The following ZNF618 variants were observed in gnomAD, a reference collection of about 807,000 sequenced individuals.
ZNF618 encodes the protein zinc finger protein 618, also known as neural precursor cell expressed, developmentally down-regulated 10.
ZNF618 carries 34 observed loss-of-function variants against 103.0 expected under a neutral mutation model. The observed-to-expected ratio is 0.33, with a 90% CI of 0.25 to 0.44. ZNF618 has a LOEUF of 0.44. Among genes scored for constraint, ZNF618 ranks in the 20% least tolerant of loss-of-function variants. ZNF618 has a pLI of 1.00. For missense variants in ZNF618, 1,059 were observed against 1,295.4 expected (o/e 0.82, Z 2.80); for synonymous variants, 551 against 542.2 (o/e 1.02, Z -0.23).
chr9:113,935,972 T>A (rs371146936), intron 1 of ZNF618, among the ~76,000 whole-genome samples: 1 of 152,004 alleles, frequency 6.6e-6, no homozygotes, highest in East Asian at 1.9e-4. Context: ...TTTTCTCTAT[T>A]GAGATAGGGT....
At position 114,055,817 on chromosome 9, in the gene ZNF618, A is replaced by T. The variant is rs1054549656; in HGVS notation, c.*5650A>T. 6.6e-6 allele frequency: 1 copy of T among 152,288 alleles called. No individual in the cohort carries two copies. The highest frequency in any genetic ancestry group is 1.9e-4 in the East Asian group (1 of 5,174). The allele number at this position is 152,288 out of a possible 1,614,324, so 9.4% of individuals were successfully genotyped here. ...TTAATGAATATTTTTCTTAATCCTT[A>T]TAAGTTTTATGTGTTTAATATTTCT... is the stretch of plus-strand genomic sequence containing the variant. On this transcript the variant is annotated 3_prime_UTR_variant, in exon 15 of 15. Transcript: ENST00000374126.
chr9:113,976,538 C>T (rs1838486689), intron 2 of ZNF618, among the ~76,000 whole-genome samples: 1 of 152,276 alleles, frequency 6.6e-6, no homozygotes, highest in South Asian at 2.1e-4. Context: ...CTTCCAGACT[C>T]CATGTGGAGT....
chr9:113,985,259 C>G (rs1011091881), intron 2 of ZNF618, among the ~76,000 whole-genome samples: 1 of 152,220 alleles, frequency 6.6e-6, no homozygotes, highest in African/African-American at 2.4e-5. Context: ...ATCCAACTTC[C>G]AAGTCTGGTG....
At chr9:113,951,478 T>TATATATGTAC (rs1835677463) in intron 1 of ZNF618, among the ~76,000 whole-genome samples, 1 of 36,136 alleles carries the variant, frequency 2.8e-5, no homozygotes, top group African/African-American at 6.1e-5. Context: ...TGTGTATGTG[T>TATATATGTAC]ACACATATAT....
Position 114,048,889 on chromosome 9 carries a change from G to A in ZNF618, c.1587G>A (p.Met529Ile). Residue 529 changes from methionine (M) to isoleucine (I), a missense_variant, in exon 15 of 15, where the codon ATG (methionine) becomes ATA (isoleucine). Coordinates refer to ENST00000374126, the MANE Select transcript of ZNF618 (RefSeq NM_001318042.2). ...NTLALKHLPR[M>I]YNQVKVKVTC... is the part of the protein sequence containing the mutation. ...TGGCGCTGAAGCACCTGCCACGCAT[G>A]TACAACCAGGTGAAGGTGAAAGTGA... is the stretch of plus-strand genomic sequence containing the variant. 6.2e-7 allele frequency: 1 copy of A among 1,608,766 alleles called. No individual in the cohort carries two copies. The highest frequency in any genetic ancestry group is 8.5e-7 in the Non-Finnish European group (1 of 1,177,478).
At chr9:113,939,758 C>A (rs1181563033) in intron 1 of ZNF618, among the ~76,000 whole-genome samples, 1 of 151,694 alleles carries the variant, frequency 6.6e-6, no homozygotes, top group Non-Finnish European at 1.5e-5. Context: ...GTCTTCCTTC[C>A]TTTCTTCTTC....
chr9:113,930,456 T>G (rs1020203211), intron 1 of ZNF618, among the ~76,000 whole-genome samples: 1 of 152,188 alleles, frequency 6.6e-6, no homozygotes, highest in Admixed American at 6.5e-5. Context: ...GGCGCCTATT[T>G]TTTTTTAAAC....
At position 114,049,590 on chromosome 9, in the gene ZNF618, C is replaced by T. The variant is rs775801964; in HGVS notation, c.2288C>T (p.Thr763Ile). Residue 763 changes from threonine to isoleucine, a missense_variant, in exon 15 of 15, where the codon ACC becomes ATC. By Grantham distance (89) the Thr-to-Ile change is moderately conservative (BLOSUM62 -1). Coordinates refer to ENST00000374126, the MANE Select transcript of ZNF618 (RefSeq NM_001318042.2). Reference protein sequence around the residue: ...SQPTLQLVLPTYVRLEKLFTA... With the variant: ...SQPTLQLVLPIYVRLEKLFTA... ...CCCACCCTGCAGCTGGTGCTGCCCA[C>T]CTACGTCAGGCTGGAGAAGCTGTTC... is the stretch of plus-strand genomic sequence containing the variant. The T allele has an allele frequency of 2.5e-5, 41 of 1,613,846 alleles. No homozygotes were observed. Among genetic ancestry groups the T allele is most frequent in the Middle Eastern group, 3.3e-4 (2 of 6,062 alleles).
chr9:113,999,119 T>C lies in ZNF618; in HGVS notation c.433+765T>C, dbSNP rs61047963. ...TGAGGGCTGCCCCTCTAGTGAACTC[T>C]CCCCATGCCCCACCTCTCACCTCCC... On this transcript the variant is annotated intron_variant, in intron 4 of 14. Coordinates refer to ENST00000374126, the MANE Select transcript of ZNF618 (RefSeq NM_001318042.2). Among the ~76,000 whole-genome samples the C allele has an allele frequency of 3.3e-5, 5 of 152,252 alleles. No individual in the cohort carries two copies. The South Asian group carries it at 1.0e-3, about 32-fold the overall frequency.
chr9:114,020,449 TG>T (rs1448978986), intron 10 of ZNF618, among the ~76,000 whole-genome samples: 1 of 152,142 alleles, frequency 6.6e-6, no homozygotes, highest in Non-Finnish European at 1.5e-5. Flanking sequence ...TCCATGAACA[TG>T]GTATATTTCC....
intron 2 of ZNF618, among the ~76,000 whole-genome samples, chr9:113,979,982 G>C (rs368735112): frequency 2.6e-4 from 40 of 152,266 alleles, no homozygotes; most frequent in African/African-American, 9.1e-4. Context: ...CAGGAGAAAG[G>C]GGGGGTGGCT....
At chr9:113,919,612 C>A (rs1042454846) in intron 1 of ZNF618, among the ~76,000 whole-genome samples, 1 of 152,204 alleles carries the variant, frequency 6.6e-6, no homozygotes, top group African/African-American at 2.4e-5. Flanking sequence ...GGGCCGGCTG[C>A]TGCTGGTGTC....
rs1846418397 is a variant in ZNF618 at position 114,055,480 on chromosome 9, AGTT to A, written c.*5317_*5319del. 2.0e-5 allele frequency: 3 copies of A among 152,664 alleles called. No homozygotes were observed. The highest frequency in any genetic ancestry group is 7.2e-5 in the African/African-American group (3 of 41,446). 9.5% of individuals were successfully genotyped at this position (152,664 alleles called of 1,614,324 possible). A position where few individuals can be genotyped will look rare whatever the true frequency, so the allele number is the denominator to read the frequency against. ...TTTTTAAGAAGCGTAAATTATTTTC[AGTT>A]GTTTTCTGATCCTGCCTTTTTCTTT... On this transcript the variant is annotated 3_prime_UTR_variant, in exon 15 of 15. Transcript: ENST00000374126.
Position 114,049,202 on chromosome 9 carries a change from C to T in ZNF618, c.1900C>T (p.Arg634Cys), listed in dbSNP as rs758308433. ...CTTCTCCAAGGCCGGCATGTGCCTT[C>T]GCTGCTCAGCCTGTGCCTTGAACTC... is the stretch of plus-strand genomic sequence containing the variant. ...SAFSKAGMCL[R>C]CSACALNSVV... is the part of the protein sequence containing the mutation. Residue 634 changes from arginine (R) to cysteine (C), a missense_variant, in exon 15 of 15, where the codon CGC becomes TGC. Arg to Cys is a radical substitution (Grantham distance 180). Around this residue, in one of 6 missense-constraint regions of ZNF618, gnomAD observed 272 missense variants for 380.1 expected, o/e 0.72. Coordinates refer to ENST00000374126, the MANE Select transcript of ZNF618 (RefSeq NM_001318042.2). The T allele has an allele frequency of 1.7e-5, 28 of 1,613,518 alleles. No individual in the cohort carries two copies. Among genetic ancestry groups the T allele is most frequent in the African/African-American group, 2.7e-5 (2 of 74,936 alleles).
chr9:113,943,522 C>T (rs1456877653), intron 1 of ZNF618, among the ~76,000 whole-genome samples: 1 of 151,784 alleles, frequency 6.6e-6, no homozygotes, highest in Non-Finnish European at 1.5e-5. Context: ...CTCAGGAAAG[C>T]AGTTGCCACT....
chr9:114,001,709 G>A (rs1293881949), intron 4 of ZNF618, among the ~76,000 whole-genome samples: 1 of 152,212 alleles, frequency 6.6e-6, no homozygotes, highest in Non-Finnish European at 1.5e-5. Context: ...CCCTCAAGGT[G>A]TAGGGCTGAG....
chr9:113,940,090 C>A (rs182872784), intron 1 of ZNF618, among the ~76,000 whole-genome samples: 1 of 150,016 alleles, frequency 6.7e-6, no homozygotes, highest in South Asian at 2.1e-4. Flanking sequence ...TCTCATTGTT[C>A]ATTTTTAAAT....
chr9:113,949,099 G>T (rs1404394707), intron 1 of ZNF618, among the ~76,000 whole-genome samples: 1 of 152,210 alleles, frequency 6.6e-6, no homozygotes, highest in Non-Finnish European at 1.5e-5. Flanking sequence ...AGATGAAATG[G>T]GTGACGGAAG....
chr9:113,968,629 C>G (rs1169039295), intron 1 of ZNF618, among the ~76,000 whole-genome samples: 1 of 152,124 alleles, frequency 6.6e-6, no homozygotes, highest in Non-Finnish European at 1.5e-5. Flanking sequence ...TTTATGTCCC[C>G]CTCCCCCCAC....
Sources: gnomAD v4.1 joint callset for allele counts (sites outside exome capture counted in the v4.1 genomes callset) on GRCh38, gnomAD v4.1.1 for gene constraint, gnomAD v4.1.1 regional missense constraint, MANE v1.5 for transcripts, NCBI Gene and HGNC (gene_info 2026-07-23, HGNC 2026-07-21) for gene names.